KCNA1: variants seen among roughly 807,000 people sequenced by gnomAD.
KCNA1 encodes the protein potassium voltage-gated channel subfamily A member 1, also known as potassium channel, voltage gated shaker related subfamily A, member 1.
Under a neutral mutation model 28.8 loss-of-function variants are expected in KCNA1, and 19 were observed. The observed-to-expected ratio is 0.66, with a 90% confidence interval of 0.46 to 0.97. The LOEUF is 0.97. KCNA1 is among the 50% of genes least tolerant of loss of function. The pLI, the probability that KCNA1 is intolerant of heterozygous loss-of-function variation, is 0.00. For synonymous variants in KCNA1, 311 were observed against 268.8 expected, an observed-to-expected ratio of 1.16 and a Z score of -1.53; for missense variants, 419 against 659.7, an observed-to-expected ratio of 0.64 and a Z score of 4.00.
At position 4,914,908 on chromosome 12, in the gene KCNA1, T is replaced by C. The variant is rs920407365; in HGVS notation, c.*2042T>C. ...ACACAAGGCTTCCTCAGGTCCAGTGTAGTGCTCCTGGCACCTTTCCTTATT... is the reference window on the plus strand; with the variant it reads ...ACACAAGGCTTCCTCAGGTCCAGTGCAGTGCTCCTGGCACCTTTCCTTATT... On this transcript the variant is annotated 3_prime_UTR_variant, in exon 2 of 2. Transcript: ENST00000382545. 6.0e-6 allele frequency: 1 copy of C among 167,280 alleles called. No individual in the cohort carries two copies. The highest frequency in any genetic ancestry group is 2.1e-4 in the South Asian group (1 of 4,830). 10.4% of individuals were successfully genotyped at this position (167,280 alleles called of 1,614,324 possible).
chr12:4,914,199 C>T lies in KCNA1; in HGVS notation c.*1333C>T, dbSNP rs1053487095. ...CGGAGAGAGGACCAATATGCCCATC[C>T]CTTAAAGGGAAGCCATGTGAAAAAC... On this transcript the variant is annotated 3_prime_UTR_variant, in exon 2 of 2. Coordinates refer to ENST00000382545, the MANE Select transcript of KCNA1 (RefSeq NM_000217.3). The T allele has an allele frequency of 1.8e-5, 3 of 166,876 alleles. No homozygotes were observed. The highest frequency in any genetic ancestry group is 2.9e-5 in the Non-Finnish European group (2 of 68,110). The allele number at this position is 166,876 out of a possible 1,614,324, so 10.3% of individuals were successfully genotyped here.
In KCNA1 at chr12:4,914,495, C is replaced by A. The variant is rs1947372677; in HGVS notation, c.*1629C>A. ...TTGAGGCTCCCTGAAGAAACTAAAC[C>A]AATTGATTTAATAGTTGCTTAGTGC... On this transcript the variant is annotated 3_prime_UTR_variant, in exon 2 of 2. Transcript: ENST00000382545. 1.2e-5 allele frequency: 2 copies of A among 167,014 alleles called. No individual in the cohort carries two copies. The allele number at this position is 167,014 out of a possible 1,614,324, so 10.3% of individuals were successfully genotyped here.
At position 4,911,481 on chromosome 12, in the gene KCNA1, T is replaced by G; in HGVS notation, c.103T>G (p.Cys35Gly). Residue 35 changes from cysteine to glycine, a missense_variant, in exon 2 of 2, where the codon TGC (cysteine) becomes GGC (glycine). Around this residue, in one of 4 missense-constraint regions of KCNA1, gnomAD observed 67 missense variants for 57.2 expected, o/e 1.17. Coordinates refer to ENST00000382545, the MANE Select transcript of KCNA1 (RefSeq NM_000217.3). The surrounding 1 kb of genome is among the most constrained non-coding windows in gnomAD (Gnocchi z 6.6). ...GCAGGCCGACCACGACGACCACGAG[T>G]GCTGCGAGCGCGTGGTGATCAACAT... ...PRQADHDDHE[C>G]CERVVINISG... 6.2e-7 allele frequency: 1 copy of G among 1,613,792 alleles called. No individual in the cohort carries two copies. The highest frequency in any genetic ancestry group is 8.5e-7 in the Non-Finnish European group (1 of 1,179,966).
rs896993865 is a variant in KCNA1, at chr12:4,910,972, G to A, written c.-407G>A. ...GAGCCGGCACTGCACCGGGTCCTAG[G>A]AAGGCTCTCGGAGGGGAGGGGAGGC... On this transcript the variant is annotated 5_prime_UTR_variant, in exon 2 of 2. Transcript: ENST00000382545. This position sits in a 1 kb window ranked among gnomAD's most constrained non-coding sequence, Gnocchi z 4.9. The A allele has an allele frequency of 2.8e-5, 7 of 250,004 alleles. No individual in the cohort carries two copies. Among genetic ancestry groups the A allele is most frequent in the Non-Finnish European group, 5.5e-5 (7 of 127,908 alleles). 15.5% of individuals were successfully genotyped at this position (250,004 alleles called of 1,614,324 possible).
rs921894966 is a variant in KCNA1 at position 4,915,438 on chromosome 12, G to A, written c.*2572G>A. 7.2e-5 allele frequency: 12 copies of A among 166,998 alleles called. No individual in the cohort carries two copies. The highest frequency in any genetic ancestry group is 2.9e-4 in the African/African-American group (12 of 41,408). 10.3% of individuals were successfully genotyped at this position (166,998 alleles called of 1,614,324 possible). ...AGAAACTCGAGTTACACCCATTCTG[G>A]CTAACTCGATTAAAAGAAAGAACAT... On this transcript the variant is annotated 3_prime_UTR_variant, in exon 2 of 2. Coordinates refer to ENST00000382545, the MANE Select transcript of KCNA1 (RefSeq NM_000217.3).
chr12:4,911,481 T>A lies in KCNA1; in HGVS notation c.103T>A (p.Cys35Ser). The change falls in exon 2 of 2, where the codon TGC (cysteine) becomes AGC (serine). Residue 35 changes from cysteine to serine, a missense_variant. By Grantham distance (112) the Cys-to-Ser change is moderately radical. Around this residue, in one of 4 missense-constraint regions of KCNA1, gnomAD observed 67 missense variants for 57.2 expected, o/e 1.17. Coordinates refer to ENST00000382545, the MANE Select transcript of KCNA1 (RefSeq NM_000217.3). The surrounding 1 kb of genome is among the most constrained non-coding windows in gnomAD (Gnocchi z 6.6). Reference protein sequence around the residue: ...PRQADHDDHECCERVVINISG... With the variant: ...PRQADHDDHESCERVVINISG... ...GCAGGCCGACCACGACGACCACGAG[T>A]GCTGCGAGCGCGTGGTGATCAACAT... 1.2e-6 allele frequency: 2 copies of A among 1,613,792 alleles called. No individual in the cohort carries two copies. The highest frequency in any genetic ancestry group is 1.7e-6 in the Non-Finnish European group (2 of 1,179,966).
chr12:4,916,801 A>G lies in KCNA1; in HGVS notation c.*3935A>G, dbSNP rs988559705. 3 of 166,992 alleles carry G rather than the reference A, an allele frequency of 1.8e-5. No homozygotes were observed. The highest frequency in any genetic ancestry group is 7.2e-5 in the African/African-American group (3 of 41,434). 10.3% of individuals were successfully genotyped at this position (166,992 alleles called of 1,614,324 possible). On this transcript the variant is annotated 3_prime_UTR_variant, in exon 2 of 2. Coordinates refer to ENST00000382545, the MANE Select transcript of KCNA1 (RefSeq NM_000217.3). ...AAATACATGTAAATGGTAAATGAGG[A>G]ATACATTTTTTTAAAGTAGAAATTT... is the stretch of plus-strand genomic sequence containing the variant.
rs1173289432 is a variant in KCNA1 at position 4,915,613 on chromosome 12, C to T, written c.*2747C>T. On this transcript the variant is annotated 3_prime_UTR_variant, in exon 2 of 2. Transcript: ENST00000382545. ...TGTCTCCTTCTCGTCTGAACCTTAACTCATTCTGGCGATTCCTTTCCTACT... is the reference window on the plus strand; with the variant it reads ...TGTCTCCTTCTCGTCTGAACCTTAATTCATTCTGGCGATTCCTTTCCTACT... 1.8e-5 allele frequency: 3 copies of T among 167,112 alleles called. No individual in the cohort carries two copies. Among genetic ancestry groups the T allele is most frequent in the Non-Finnish European group, 4.4e-5 (3 of 68,118 alleles). The allele number at this position is 167,112 out of a possible 1,614,324, so 10.4% of individuals were successfully genotyped here. A position where few individuals can be genotyped will look rare whatever the true frequency, so the allele number is the denominator to read the frequency against.
rs1947356506 is a variant in KCNA1, at chr12:4,912,172, A to C, written c.794A>C (p.Tyr265Ser). The change falls in exon 2 of 2, where the codon TAT becomes TCT. Residue 265 changes from tyrosine to serine, a missense_variant. Tyr to Ser is a moderately radical substitution (Grantham distance 144, BLOSUM62 -2). Around this residue, in one of 4 missense-constraint regions of KCNA1, gnomAD observed 217 missense variants for 329.6 expected, o/e 0.66. Transcript: ENST00000382545. ...NFIDIVAIIPYFITLGTEIAE... is the reference protein window; with the variant it reads ...NFIDIVAIIPSFITLGTEIAE... Reference sequence around the variant, plus strand: ...ATAGACATTGTGGCCATCATTCCTTATTTCATCACGCTGGGCACCGAGATA... The same window carrying C: ...ATAGACATTGTGGCCATCATTCCTTCTTTCATCACGCTGGGCACCGAGATA... The C allele has an allele frequency of 6.2e-7, 1 of 1,612,694 alleles. No homozygotes were observed. The highest frequency in any genetic ancestry group is 8.5e-7 in the Non-Finnish European group (1 of 1,179,700).
At position 4,911,405 on chromosome 12, in the gene KCNA1, G is replaced by A. The variant is rs1947350388; in HGVS notation, c.27G>A (p.Val9=). ...TGACGGTGATGTCTGGGGAGAACGT[G>A]GACGAGGCTTCGGCCGCCCCGGGCC... MTVMSGEN[V]DEASAAPGHP... The change falls in exon 2 of 2, where the codon GTG becomes GTA. Residue 9 remains valine (V), a synonymous_variant. Coordinates refer to ENST00000382545, the MANE Select transcript of KCNA1 (RefSeq NM_000217.3). This position sits in a 1 kb window ranked among gnomAD's most constrained non-coding sequence, Gnocchi z 6.6. 4 of 1,613,006 alleles carry A rather than the reference G, an allele frequency of 2.5e-6. No homozygotes were observed. Among genetic ancestry groups the A allele is most frequent in the Non-Finnish European group, 3.4e-6 (4 of 1,179,840 alleles).
At position 4,916,481 on chromosome 12, in the gene KCNA1, C is replaced by G. The variant is rs956934653; in HGVS notation, c.*3615C>G. 6.0e-6 allele frequency: 1 copy of G among 167,084 alleles called. No individual in the cohort carries two copies. The highest frequency in any genetic ancestry group is 1.5e-5 in the Non-Finnish European group (1 of 68,124). 10.4% of individuals were successfully genotyped at this position (167,084 alleles called of 1,614,324 possible). The stretch of plus-strand genomic sequence containing the variant: ...CCTCTGTCCTCAGATTTCTAGAAGA[C>G]AAATTCTAGCCAGGAAAACTTTCTG... On this transcript the variant is annotated 3_prime_UTR_variant, in exon 2 of 2. Coordinates refer to ENST00000382545, the MANE Select transcript of KCNA1 (RefSeq NM_000217.3).
At position 4,912,923 on chromosome 12, in the gene KCNA1, A is replaced by G. The variant is rs890782922; in HGVS notation, c.*57A>G. On this transcript the variant is annotated 3_prime_UTR_variant, in exon 2 of 2. Coordinates refer to ENST00000382545, the MANE Select transcript of KCNA1 (RefSeq NM_000217.3). ...CTTAGCAGCTCAAAAGACTTAAAAAACAAAACAGAAAACCTAGTGACTCAT... is the reference window on the plus strand; with the variant it reads ...CTTAGCAGCTCAAAAGACTTAAAAAGCAAAACAGAAAACCTAGTGACTCAT... 34 of 1,215,490 alleles carry G rather than the reference A, an allele frequency of 2.8e-5. 1 individual carries two copies. Among genetic ancestry groups the G allele is most frequent in the Admixed American group, 1.2e-4 (7 of 59,200 alleles). 75.3% of individuals were successfully genotyped at this position (1,215,490 alleles called of 1,614,324 possible).
rs35678382 is a variant in KCNA1 at position 4,911,269 on chromosome 12, G to A, written c.-110G>A. The A allele has an allele frequency of 0.12, 97,115 of 780,916 alleles. 6,626 individuals are homozygous for A. The highest frequency in any genetic ancestry group is 0.2 in the East Asian group (7,444 of 37,680). The allele number at this position is 780,916 out of a possible 1,614,324, so 48.4% of individuals were successfully genotyped here. A position where few individuals can be genotyped will look rare whatever the true frequency, so the allele number is the denominator to read the frequency against. ...AGCACCTCCCCCTGGGCGTGAGGGA[G>A]ACGCGCGCTCCGGTGGGGGGGCCGC... On this transcript the variant is annotated 5_prime_UTR_variant, in exon 2 of 2. Coordinates refer to ENST00000382545, the MANE Select transcript of KCNA1 (RefSeq NM_000217.3). The surrounding 1 kb of genome is among the most constrained non-coding windows in gnomAD (Gnocchi z 6.6).
Position 4,911,601 on chromosome 12 carries a change from C to T in KCNA1, c.223C>T (p.Pro75Ser). ...TAAGAAACGCATGCGCTACTTCGAC[C>T]CCCTGAGGAACGAGTACTTCTTCGA... The part of the protein sequence containing the change: ...NPKKRMRYFD[P>S]LRNEYFFDRN... Residue 75 changes from proline to serine, a missense_variant, in exon 2 of 2, where the codon CCC becomes TCC. This residue lies in a region of KCNA1 where 217 missense variants were observed against 329.6 expected (regional missense o/e 0.66). Coordinates refer to ENST00000382545, the MANE Select transcript of KCNA1 (RefSeq NM_000217.3). This position sits in a 1 kb window ranked among gnomAD's most constrained non-coding sequence, Gnocchi z 6.6. The T allele has an allele frequency of 6.2e-7, 1 of 1,614,184 alleles. No individual in the cohort carries two copies. The highest frequency in any genetic ancestry group is 8.5e-7 in the Non-Finnish European group (1 of 1,180,040).
At position 4,916,729 on chromosome 12, in the gene KCNA1, G is replaced by A. The variant is rs1032436206; in HGVS notation, c.*3863G>A. 2.4e-5 allele frequency: 4 copies of A among 167,132 alleles called. No homozygotes were observed. The highest frequency in any genetic ancestry group is 9.6e-5 in the African/African-American group (4 of 41,558). The allele number at this position is 167,132 out of a possible 1,614,324, so 10.4% of individuals were successfully genotyped here. A position where few individuals can be genotyped will look rare whatever the true frequency, so the allele number is the denominator to read the frequency against. ...AGGTTTAGATTCCACTATGGTGGAC[G>A]TGAAGCACAGGTGGTGTCACAATCT... On this transcript the variant is annotated 3_prime_UTR_variant, in exon 2 of 2. Transcript: ENST00000382545.
chr12:4,912,196 T>C lies in KCNA1; in HGVS notation c.818T>C (p.Ile273Thr). The stretch of plus-strand genomic sequence containing the variant: ...TATTTCATCACGCTGGGCACCGAGA[T>C]AGCTGAGCAGGAAGGAAACCAGAAG... ...IPYFITLGTE[I>T]AEQEGNQKGE... Residue 273 changes from isoleucine to threonine, a missense_variant, in exon 2 of 2, where the codon ATA becomes ACA. Physicochemically the swap from Ile to Thr is moderately conservative, Grantham distance 89 (BLOSUM62 -1). Coordinates refer to ENST00000382545, the MANE Select transcript of KCNA1 (RefSeq NM_000217.3). The C allele has an allele frequency of 6.2e-7, 1 of 1,612,640 alleles. No individual in the cohort carries two copies. Among genetic ancestry groups the C allele is most frequent in the Non-Finnish European group, 8.5e-7 (1 of 1,179,598 alleles).
rs1015518302 is a variant in KCNA1, at chr12:4,910,326, A to T, written c.-686A>T. 6.6e-6 allele frequency: 1 copy of T among 152,244 alleles called. No homozygotes were observed. Among genetic ancestry groups the T allele is most frequent in the Non-Finnish European group, 1.5e-5 (1 of 68,120 alleles). 9.4% of individuals were successfully genotyped at this position (152,244 alleles called of 1,614,324 possible). On this transcript the variant is annotated 5_prime_UTR_variant, in exon 1 of 2. Coordinates refer to ENST00000382545, the MANE Select transcript of KCNA1 (RefSeq NM_000217.3). The surrounding 1 kb of genome is among the most constrained non-coding windows in gnomAD (Gnocchi z 4.9). ...GAGAGGGGCGTCGGACGAGTGGACC[A>T]GGGCGGCGAGTTTGCCCGGCGCGTC... is the stretch of plus-strand genomic sequence containing the variant.
rs569313930 is a variant in KCNA1, at chr12:4,917,884, T to C, written c.*5018T>C. ...ATGCAGCAGATGTAAGTAGACAACA[T>C]GGACTCCATGTGACATGCCTCTAAT... On this transcript the variant is annotated 3_prime_UTR_variant, in exon 2 of 2. Transcript: ENST00000382545. 2 of 167,082 alleles carry C rather than the reference T, an allele frequency of 1.2e-5. No individual in the cohort carries two copies. The highest frequency in any genetic ancestry group is 4.8e-5 in the African/African-American group (2 of 41,460). 10.3% of individuals were successfully genotyped at this position (167,082 alleles called of 1,614,324 possible). A position where few individuals can be genotyped will look rare whatever the true frequency, so the allele number is the denominator to read the frequency against.
rs1450521393 is a variant in KCNA1 at position 4,918,139 on chromosome 12, G to T, written c.*5273G>T. On this transcript the variant is annotated 3_prime_UTR_variant, in exon 2 of 2. Coordinates refer to ENST00000382545, the MANE Select transcript of KCNA1 (RefSeq NM_000217.3). ...TCAAGGACATTGAATGTTATGAATT[G>T]AGAACCTAATTGATGCGCATAGTTT... The T allele has an allele frequency of 1.2e-5, 2 of 167,064 alleles. No homozygotes were observed. Among genetic ancestry groups the T allele is most frequent in the Non-Finnish European group, 2.9e-5 (2 of 68,112 alleles). 10.3% of individuals were successfully genotyped at this position (167,064 alleles called of 1,614,324 possible).
Sources: gnomAD v4.1 joint callset for allele counts on GRCh38, gnomAD v4.1.1 for gene constraint, gnomAD v4.1.1 regional missense constraint, Gnocchi (gnomAD v3.1) non-coding constraint, MANE v1.5 for transcripts, NCBI Gene and HGNC (gene_info 2026-07-23, HGNC 2026-07-21) for gene names.